The following CTNNA2 variants were observed in gnomAD, a reference collection of about 807,000 sequenced individuals.
The protein encoded by CTNNA2 is catenin alpha-2.
In CTNNA2, 42 loss-of-function variants were observed where a neutral mutation model predicts 101.0. That is an observed-to-expected ratio of 0.42 (90% CI 0.32 to 0.54). The LOEUF (loss-of-function observed/expected upper bound fraction) is 0.54, where lower values mean the gene tolerates loss of function less well. Among genes scored for constraint, CTNNA2 ranks in the 20% least tolerant of loss-of-function variants. The pLI is 0.14. For missense variants in CTNNA2, 871 were observed against 1,223.1 expected (o/e 0.71, Z 4.29); for synonymous variants, 450 against 456.4 (o/e 0.99, Z 0.18).
At chr2:79,662,822 AACTCTAAGTCTTTC>A (rs1384055013) in intron 2 of CTNNA2, among the ~76,000 whole-genome samples, 2 of 152,096 alleles carry the variant, frequency 1.3e-5, no homozygotes, top group Non-Finnish European at 2.9e-5. Flanking sequence ...CTGAAAACAA[AACTCTAAGTCTTTC>A]TTGTAACATG....
chr2:79,579,577 C>CA (rs1278168531), intron 1 of CTNNA2, among the ~76,000 whole-genome samples: 1 of 152,008 alleles, frequency 6.6e-6, no homozygotes, highest in Non-Finnish European at 1.5e-5. Context: ...ATCTAACCTC[C>CA]AAATCTTTGG....
At chr2:79,890,172 G>C (rs1041621466) in intron 6 of CTNNA2, among the ~76,000 whole-genome samples, 1 of 152,126 alleles carries the variant, frequency 6.6e-6, no homozygotes, top group African/African-American at 2.4e-5. Flanking sequence ...ATTGCTCAGC[G>C]AGCACCTGGA....
chr2:79,236,921 G>A (rs995804149), intron 2 of CTNNA2, among the ~76,000 whole-genome samples: 24 of 152,148 alleles, frequency 1.6e-4, no homozygotes, highest in African/African-American at 5.6e-4. Flanking sequence ...AACTCCTCAA[G>A]GTCATCCTTG....
chr2:79,475,193 T>C (rs1671038407), intron 4 of CTNNA2, among the ~76,000 whole-genome samples: 1 of 152,100 alleles, frequency 6.6e-6, no homozygotes, highest in African/African-American at 2.4e-5. Context: ...TTCAGTTTTA[T>C]TTCATAGGAC....
chr2:79,361,727 A>G (rs1677634174), intron 3 of CTNNA2, among the ~76,000 whole-genome samples: 1 of 152,200 alleles, frequency 6.6e-6, no homozygotes, highest in Admixed American at 6.5e-5. Flanking sequence ...AAGGGGAGCC[A>G]GTCCAAGTCC....
At chr2:79,373,058 A>C (rs1677907878) in intron 3 of CTNNA2, among the ~76,000 whole-genome samples, 1 of 152,208 alleles carries the variant, frequency 6.6e-6, no homozygotes, top group East Asian at 1.9e-4. Context: ...CCTTGGCAAA[A>C]TGTATAGCAA....
intron 7 of CTNNA2, among the ~76,000 whole-genome samples, chr2:80,368,642 G>A (rs1333696891): frequency 6.6e-6 from 1 of 151,964 alleles, no homozygotes; most frequent in African/African-American, 2.4e-5. Context: ...GCACTTACAT[G>A]ATACAGATGT....
At chr2:79,323,434 A>G (rs1676669722) in intron 3 of CTNNA2, among the ~76,000 whole-genome samples, 1 of 152,010 alleles carries the variant, frequency 6.6e-6, no homozygotes, top group Admixed American at 6.6e-5. Flanking sequence ...AAGAGCTTAT[A>G]ACAGTAAGTT....
chr2:80,049,049 G>A (rs995910215), intron 7 of CTNNA2, among the ~76,000 whole-genome samples: 3 of 152,198 alleles, frequency 2.0e-5, no homozygotes, highest in African/African-American at 7.2e-5. Context: ...TTCGAGCAGG[G>A]AAGTAGCAAG....
At chr2:79,393,164 G>A (rs1253051516) in intron 4 of CTNNA2, among the ~76,000 whole-genome samples, 1 of 152,176 alleles carries the variant, frequency 6.6e-6, no homozygotes, top group Admixed American at 6.5e-5. Flanking sequence ...GGTCATAGCT[G>A]TGCCTCAAGC....
intron 4 of CTNNA2, among the ~76,000 whole-genome samples, chr2:79,471,243 C>T (rs1175965934): frequency 1.3e-5 from 2 of 152,124 alleles, no homozygotes; most frequent in East Asian, 1.9e-4. Context: ...ATTTGAATTG[C>T]TGCCATTATA....
chr2:80,099,595 G>C (rs530441411), intron 7 of CTNNA2, among the ~76,000 whole-genome samples: 1 of 152,258 alleles, frequency 6.6e-6, no homozygotes, highest in African/African-American at 2.4e-5. Context: ...TTAATGTAAT[G>C]TCAGAAGGCT....
chr2:79,225,782 C>T (rs1359773665), intron 2 of CTNNA2, among the ~76,000 whole-genome samples: 3 of 152,146 alleles, frequency 2.0e-5, no homozygotes. Context: ...AAAGTATAAA[C>T]AAGCAATGAA....
chr2:80,231,439 C>A (rs1709206727), intron 7 of CTNNA2, among the ~76,000 whole-genome samples: 1 of 152,174 alleles, frequency 6.6e-6, no homozygotes, highest in African/African-American at 2.4e-5. Context: ...CCTTCTTAGG[C>A]AATTTCTACT....
chr2:80,599,988 A>G (rs986871701), intron 15 of CTNNA2, among the ~76,000 whole-genome samples: 1 of 144,760 alleles, frequency 6.9e-6, no homozygotes, highest in East Asian at 2.1e-4. Context: ...GGTAGTTGAC[A>G]ATTTTTCTCA....
At chr2:80,533,564 A>T (rs1268580716) in intron 9 of CTNNA2, among the ~76,000 whole-genome samples, 2 of 152,130 alleles carry the variant, frequency 1.3e-5, no homozygotes, top group Non-Finnish European at 2.9e-5. Context: ...CATTCTGGAA[A>T]CGTTCCTTGG....
At chr2:80,334,957 G>A (rs879338243) in intron 7 of CTNNA2, among the ~76,000 whole-genome samples, 3 of 152,166 alleles carry the variant, frequency 2.0e-5, no homozygotes, top group Non-Finnish European at 4.4e-5. Context: ...AGAACATAGA[G>A]TAGTTCCCAA....
chr2:79,715,202 C>CAT (rs1686002140), intron 2 of CTNNA2, among the ~76,000 whole-genome samples: 1 of 74,270 alleles, frequency 1.3e-5, no homozygotes, highest in African/African-American at 8.9e-5. Flanking sequence ...AGCAAAATTC[C>CAT]GTCAAAAAAA....
intron 4 of CTNNA2, among the ~76,000 whole-genome samples, chr2:79,490,483 A>G (rs1671197874): frequency 1.3e-5 from 2 of 152,188 alleles, no homozygotes; most frequent in African/African-American, 2.4e-5. Flanking sequence ...AAACTGCATC[A>G]ATATGCTATA....
Sources: allele counts gnomAD v4.1 joint callset (sites outside exome capture counted in the v4.1 genomes callset), GRCh38; gene constraint gnomAD v4.1.1; transcripts MANE v1.5; gene names NCBI Gene and HGNC (gene_info 2026-07-23, HGNC 2026-07-21).